PLEK2: variants seen among roughly 807,000 people sequenced by gnomAD.
The protein encoded by PLEK2 is pleckstrin 2.
Under a neutral mutation model 43.8 loss-of-function variants are expected in PLEK2, and 29 were observed. That is an observed-to-expected ratio of 0.66 (90% confidence interval 0.49 to 0.90). PLEK2 has a LOEUF of 0.90. Ranked by LOEUF, PLEK2 falls within the 40% of genes least tolerant of loss-of-function variation. PLEK2 has a pLI of 0.00. For missense variants in PLEK2, 398 were observed against 448.1 expected, an observed-to-expected ratio of 0.89 and a Z score of 1.01; for synonymous variants, 162 against 173.2, an observed-to-expected ratio of 0.94 and a Z score of 0.51.
chr14:67,390,656 C>T lies in PLEK2; in HGVS notation c.855+7G>A. ...GGGACCAACATGGAGCCAGCATGCG[C>T]ACTCACTTTGGAAGGGTCATAGTAA... On this transcript the variant is annotated splice_region_variant and intron_variant, in intron 7 of 8. Coordinates refer to ENST00000216446, the MANE Select transcript of PLEK2 (RefSeq NM_016445.3). 2 of 1,593,694 alleles carry T rather than the reference C, an allele frequency of 1.3e-6. No homozygotes were observed. The highest frequency in any genetic ancestry group is 1.7e-6 in the Non-Finnish European group (2 of 1,161,390).
At position 67,387,234 on chromosome 14, in the gene PLEK2, C is replaced by A. The variant is rs1426847438; in HGVS notation, c.*95G>T. The A allele has an allele frequency of 3.2e-6, 4 of 1,254,258 alleles. No homozygotes were observed. Among genetic ancestry groups the A allele is most frequent in the Non-Finnish European group, 4.4e-6 (4 of 907,446 alleles). The allele number at this position is 1,254,258 out of a possible 1,614,324, so 77.7% of individuals were successfully genotyped here. On this transcript the variant is annotated 3_prime_UTR_variant, in exon 9 of 9. Transcript: ENST00000216446. Reference sequence around the variant, plus strand: ...ACTCTCCAAAGCAGTACAAAACTTACAAAGAAGTCAAAAGTCTTAACACTC... The same window carrying A: ...ACTCTCCAAAGCAGTACAAAACTTAAAAAGAAGTCAAAAGTCTTAACACTC...
At chr14:67,390,553 C>CG (rs1595654826) in intron 7 of PLEK2, 110 bp downstream of exon 7, 2 of 764,994 alleles carry the variant, frequency 2.6e-6, no homozygotes. Flanking sequence ...GACTTTACGG[C>CG]GGGTGCCAGG....
intron 7 of PLEK2, among the ~76,000 whole-genome samples, chr14:67,388,715 T>C (rs1461798609): frequency 1.3e-5 from 2 of 152,148 alleles, no homozygotes; most frequent in African/African-American, 4.8e-5. Flanking sequence ...AGTCTCACTC[T>C]GTCTTTCAGG....
At position 67,395,628 on chromosome 14, in the gene PLEK2, A is replaced by G. The variant is rs769172150; in HGVS notation, c.208-45T>C. On this transcript the variant is annotated intron_variant, in intron 2 of 8. Transcript: ENST00000216446. ...GTCAGGCCAGCACTCAGGCAGAGCA[A>G]GAGGACGCCGGGCAGCAAAAATGAC... 4 of 1,580,642 alleles carry G rather than the reference A, an allele frequency of 2.5e-6. No individual in the cohort carries two copies. In the South Asian group the frequency reaches 3.3e-5, roughly 13 times the overall value.
At chr14:67,405,281 G>A (rs1463122445) in intron 1 of PLEK2, among the ~76,000 whole-genome samples, 1 of 149,814 alleles carries the variant, frequency 6.7e-6, no homozygotes, top group Admixed American at 6.7e-5. Flanking sequence ...ATTTCCTTGA[G>A]TACTGTTTTA....
rs112602080 is a variant in PLEK2, at chr14:67,399,026, G to A, written c.43-1200C>T. ...TGTTCTGTAATGAATATCCTTGCAC[G>A]TAAATTTTGACCTGCATCTGCTTTT... On this transcript the variant is annotated intron_variant, in intron 1 of 8. Coordinates refer to ENST00000216446, the MANE Select transcript of PLEK2 (RefSeq NM_016445.3). Among the ~76,000 whole-genome samples the A allele has an allele frequency of 3.4e-3, 516 of 152,304 alleles. 3 individuals are homozygous for A. Among genetic ancestry groups the A allele is most frequent in the Non-Finnish European group, 6.1e-3 (414 of 68,036 alleles).
intron 1 of PLEK2, among the ~76,000 whole-genome samples, chr14:67,410,292 A>G (rs1285580342): frequency 6.6e-6 from 1 of 152,126 alleles, no homozygotes; most frequent in Non-Finnish European, 1.5e-5. Flanking sequence ...CTCTATCAGA[A>G]GGATCTGTCT....
At chr14:67,405,412 G>A (rs958401632) in intron 1 of PLEK2, among the ~76,000 whole-genome samples, 13 of 152,142 alleles carry the variant, frequency 8.5e-5, no homozygotes, top group African/African-American at 3.1e-4. Flanking sequence ...AATAATCAAT[G>A]ATTAATAATA....
chr14:67,411,227 C>G (rs2086113158), intron 1 of PLEK2, among the ~76,000 whole-genome samples: 1 of 151,526 alleles, frequency 6.6e-6, no homozygotes, highest in Non-Finnish European at 1.5e-5. Context: ...TCATCTTCTA[C>G]CATAATCCCA....
chr14:67,392,729 A>G lies in PLEK2; in HGVS notation c.602T>C (p.Met201Thr), dbSNP rs1225379771. The change falls in exon 5 of 9, where the codon ATG becomes ACG. Residue 201 changes from methionine (M) to threonine (T), a missense_variant. Met to Thr is a moderately conservative substitution (Grantham distance 81). Transcript: ENST00000216446. The part of the protein sequence containing the change: ...NFLRPVGVRS[M>T]GAIRSGDLAE... Reference sequence around the variant, plus strand: ...CAGATCCCCAGAGCGAATGGCTCCCATGCTTCGGACACCCACAGGCCTGAG... The same window carrying G: ...CAGATCCCCAGAGCGAATGGCTCCCGTGCTTCGGACACCCACAGGCCTGAG... 2.5e-6 allele frequency: 4 copies of G among 1,614,070 alleles called. No homozygotes were observed. Among genetic ancestry groups the G allele is most frequent in the Non-Finnish European group, 3.4e-6 (4 of 1,180,020 alleles).
intron 1 of PLEK2, among the ~76,000 whole-genome samples, chr14:67,398,735 T>G (rs1391502982): frequency 1.3e-5 from 2 of 152,266 alleles, no homozygotes; most frequent in East Asian, 1.9e-4. Context: ...TTTTAAATTT[T>G]TTTGTAAAGA....
At chr14:67,402,888 G>A (rs1253289779) in intron 1 of PLEK2, among the ~76,000 whole-genome samples, 1 of 152,164 alleles carries the variant, frequency 6.6e-6, no homozygotes, top group East Asian at 1.9e-4. Context: ...ACATGGGTGT[G>A]CAGATATCTC....
At chr14:67,398,234 GTTC>G (rs2086025116) in intron 1 of PLEK2, among the ~76,000 whole-genome samples, 1 of 150,300 alleles carries the variant, frequency 6.7e-6, no homozygotes, top group East Asian at 1.9e-4. Context: ...TTTTGTTTTT[GTTC>G]TTGTTTTATA....
intron 3 of PLEK2, among the ~76,000 whole-genome samples, chr14:67,394,484 C>T (rs2085992175): frequency 6.6e-6 from 1 of 152,184 alleles, no homozygotes; most frequent in African/African-American, 2.4e-5. Flanking sequence ...ACCCCCTCAG[C>T]TACTTTTCCA....
intron 7 of PLEK2, among the ~76,000 whole-genome samples, chr14:67,389,550 A>G (rs1382146963): frequency 6.6e-6 from 1 of 152,026 alleles, no homozygotes; most frequent in African/African-American, 2.4e-5. Flanking sequence ...GTTTCCATCT[A>G]TGTATGTATA....
rs192530373 is a variant in PLEK2, at chr14:67,390,715, C to T, written c.803G>A (p.Arg268His). ...AGCTGGATCCTTCCTTAGAACAAAG[C>T]GACGCACCTTCCAGTTTTTCCTCTT... is the stretch of plus-strand genomic sequence containing the variant. ...GHKRKNWKVR[R>H]FVLRKDPAFL... The change falls in exon 7 of 9, where the codon CGC becomes CAC. Residue 268 changes from arginine (R) to histidine (H), a missense_variant. Arg to His is a conservative substitution (Grantham distance 29). Coordinates refer to ENST00000216446, the MANE Select transcript of PLEK2 (RefSeq NM_016445.3). 2.1e-4 allele frequency: 335 copies of T among 1,613,738 alleles called. 1 individual carries two copies. The highest frequency in any genetic ancestry group is 6.4e-5 in the Non-Finnish European group (76 of 1,179,674).
intron 1 of PLEK2, among the ~76,000 whole-genome samples, chr14:67,399,931 G>A (rs2086036476): frequency 6.6e-6 from 1 of 152,154 alleles, no homozygotes; most frequent in South Asian, 2.1e-4. Flanking sequence ...TTCCAAAGCC[G>A]AGCTTAGGGC....
At chr14:67,401,395 C>T (rs1204326414) in intron 1 of PLEK2, among the ~76,000 whole-genome samples, 1 of 151,958 alleles carries the variant, frequency 6.6e-6, no homozygotes, top group African/African-American at 2.4e-5. Flanking sequence ...GCCTGTAGTC[C>T]AAGCTACTTG....
At chr14:67,398,756 C>A (rs538829659) in intron 1 of PLEK2, among the ~76,000 whole-genome samples, 1 of 152,264 alleles carries the variant, frequency 6.6e-6, no homozygotes, top group East Asian at 1.9e-4. Context: ...CGAGGTCTCA[C>A]TATACTCCCT....
Sources: gnomAD v4.1 joint callset for allele counts (sites outside exome capture counted in the v4.1 genomes callset) on GRCh38, gnomAD v4.1.1 for gene constraint, MANE v1.5 for transcripts, NCBI Gene and HGNC (gene_info 2026-07-23, HGNC 2026-07-21) for gene names.